Variants in ASB8 observed in about 807,000 individuals in gnomAD.
The protein encoded by ASB8 is ankyrin repeat and SOCS box containing 8.
ASB8 carries 15 observed loss-of-function variants against 22.9 expected under a neutral mutation model. The observed-to-expected ratio is 0.66, with a 90% CI of 0.44 to 1.01. The LOEUF (loss-of-function observed/expected upper bound fraction) is 1.01, where lower values mean the gene tolerates loss of function less well. Among genes scored for constraint, ASB8 ranks in the 50% least tolerant of loss-of-function variants. The pLI, the probability that ASB8 is intolerant of heterozygous loss-of-function variation, is 0.00. For missense variants in ASB8, 294 were observed against 356.9 expected, an observed-to-expected ratio of 0.82 and a Z score of 1.42; for synonymous variants, 124 against 140.8, an observed-to-expected ratio of 0.88 and a Z score of 0.84.
At chr12:48,151,088 A>T in intron 3 of ASB8, 113 bp downstream of exon 3, 1 of 779,782 alleles carries the variant, frequency 1.3e-6, no homozygotes, top group Non-Finnish European at 2.2e-6. Flanking sequence ...ACCTTGAGTT[A>T]GAAGTTCAGA....
At chr12:48,150,357 A>G (rs568054303) in intron 3 of ASB8, among the ~76,000 whole-genome samples, 2 of 152,346 alleles carry the variant, frequency 1.3e-5, no homozygotes, top group East Asian at 3.9e-4. Flanking sequence ...GCTCTGAAAC[A>G]TTACTGGAAA....
Position 48,148,658 on chromosome 12 carries a change from G to GTTTTTTTTTT in ASB8, c.*698_*707dup, listed in dbSNP as rs34031535. ...GTTTTTTCACAGATCAATTAAAATG[G>GTTTTTTTTTT]TTTTTTTTTTTTTTTTTTTTTTTTG... On this transcript the variant is annotated 3_prime_UTR_variant, in exon 4 of 4. Coordinates refer to ENST00000317697, the MANE Select transcript of ASB8 (RefSeq NM_024095.5). The GTTTTTTTTTT allele has an allele frequency of 6.4e-4, 40 of 62,794 alleles. 2 individuals are homozygous for GTTTTTTTTTT. The highest frequency in any genetic ancestry group is 2.1e-3 in the African/African-American group (32 of 15,494). 3.9% of individuals were successfully genotyped at this position (62,794 alleles called of 1,614,324 possible). A position where few individuals can be genotyped will look rare whatever the true frequency, so the allele number is the denominator to read the frequency against.
intron 3 of ASB8, chr12:48,150,914 A>C: frequency 1.8e-6 from 1 of 541,916 alleles, no homozygotes; most frequent in Non-Finnish European, 3.3e-6. Context: ...TCCTGAAGTG[A>C]TGGCCAGTGA....
intron 3 of ASB8, among the ~76,000 whole-genome samples, chr12:48,150,431 C>T (rs1229623236): frequency 6.6e-6 from 1 of 152,236 alleles, no homozygotes; most frequent in Non-Finnish European, 1.5e-5. Flanking sequence ...TACCCTGTGG[C>T]TAATGTAGCA....
At position 48,149,549 on chromosome 12, in the gene ASB8, T is replaced by C; in HGVS notation, c.684A>G (p.Arg228=). The change falls in exon 4 of 4, where the codon CGA becomes CGG. Residue 228 remains arginine (R), a synonymous_variant. Coordinates refer to ENST00000317697, the MANE Select transcript of ASB8 (RefSeq NM_024095.5). ...FELRKNGTMP[R]EVARDPQLCE... ...ATAGCTGCGGGTCTCTGGCCACCTC[T>C]CGTGGCATGGTGCCATTTTTCCTCA... The C allele has an allele frequency of 6.2e-7, 1 of 1,614,164 alleles. No individual in the cohort carries two copies. The highest frequency in any genetic ancestry group is 8.5e-7 in the Non-Finnish European group (1 of 1,180,014).
rs1951136517 is a variant in ASB8, at chr12:48,148,458, CAA to C, written c.*906_*907del. On this transcript the variant is annotated 3_prime_UTR_variant, in exon 4 of 4. Coordinates refer to ENST00000317697, the MANE Select transcript of ASB8 (RefSeq NM_024095.5). ...CTTGGGCACAACCAACAGAAAGAGG[CAA>C]AGACTGCTGTTTCCTTTGATGAGGG... 6.6e-6 allele frequency: 1 copy of C among 152,020 alleles called. No homozygotes were observed. Among genetic ancestry groups the C allele is most frequent in the Non-Finnish European group, 1.5e-5 (1 of 68,048 alleles). 9.4% of individuals were successfully genotyped at this position (152,020 alleles called of 1,614,324 possible). A position where few individuals can be genotyped will look rare whatever the true frequency, so the allele number is the denominator to read the frequency against.
At chr12:48,153,560 T>A in intron 1 of ASB8, 31 bp from the exon 2 acceptor site, 1 of 1,563,142 alleles carries the variant, frequency 6.4e-7, no homozygotes, top group Non-Finnish European at 8.8e-7. Context: ...GCATATACAA[T>A]ATCACTGAGC....
chr12:48,149,117 TC>T lies in ASB8; in HGVS notation c.*248del, dbSNP rs1399385630. On this transcript the variant is annotated 3_prime_UTR_variant, in exon 4 of 4. Transcript: ENST00000317697. Reference sequence around the variant, plus strand: ...AAGGGGAGGATTGAGGGAGACCTCTTCTTTTGCAAAATGCAATATAAAAAGC... The same window carrying T: ...AAGGGGAGGATTGAGGGAGACCTCTTTTTTGCAAAATGCAATATAAAAAGC... 1.9e-6 allele frequency: 1 copy of T among 531,584 alleles called. No individual in the cohort carries two copies. 32.9% of individuals were successfully genotyped at this position (531,584 alleles called of 1,614,324 possible). A position where few individuals can be genotyped will look rare whatever the true frequency, so the allele number is the denominator to read the frequency against.
In ASB8 at chr12:48,149,630, T is replaced by C. The variant is rs1043803208; in HGVS notation, c.603A>G (p.Thr201=). ...GCTCAAAGCAAGAGTCCTCTTTCTC[T>C]GTTCCAAGTCCCCTGACTAGCAGAG... ...LVALLVRGLG[T]EKEDSCFELL... is the part of the protein sequence containing the mutation. Residue 201 remains threonine (T), a synonymous_variant, in exon 4 of 4, where the codon ACA becomes ACG. Transcript: ENST00000317697. 3 of 1,614,086 alleles carry C rather than the reference T, an allele frequency of 1.9e-6. No homozygotes were observed. Among genetic ancestry groups the C allele is most frequent in the African/African-American group, 1.3e-5 (1 of 74,920 alleles).
intron 1 of ASB8, among the ~76,000 whole-genome samples, chr12:48,155,345 T>C (rs1951282662): frequency 6.6e-6 from 1 of 152,256 alleles, no homozygotes; most frequent in Non-Finnish European, 1.5e-5. Context: ...ATGTAAAGTT[T>C]ATTACTTTAG....
chr12:48,154,500 A>AG (rs397829586), intron 1 of ASB8, among the ~76,000 whole-genome samples: 2 of 150,010 alleles, frequency 1.3e-5, no homozygotes, highest in Non-Finnish European at 3.0e-5. Flanking sequence ...AAAAAAAAAA[A>AG]GGAAATATTT....
chr12:48,153,636 T>A, intron 1 of ASB8, 107 bp from the exon 2 acceptor site: 1 of 780,976 alleles, frequency 1.3e-6, no homozygotes, highest in Non-Finnish European at 2.0e-6. Context: ...TTTCAAGGAG[T>A]GATTAATACT....
chr12:48,149,403 G>A lies in ASB8; in HGVS notation c.830C>T (p.Pro277Leu), dbSNP rs1029533274. ...LPDAVKGLPL[P>L]ASLKEYLLLL... ...TAACAGGTATTCCTTCAAAGAAGCTGGCAGTGGAAGGCCCTTCACTGCATC... is the reference window on the plus strand; with the variant it reads ...TAACAGGTATTCCTTCAAAGAAGCTAGCAGTGGAAGGCCCTTCACTGCATC... Residue 277 changes from proline to leucine, a missense_variant, in exon 4 of 4, where the codon CCA becomes CTA. Coordinates refer to ENST00000317697, the MANE Select transcript of ASB8 (RefSeq NM_024095.5). 4 of 1,613,794 alleles carry A rather than the reference G, an allele frequency of 2.5e-6. No individual in the cohort carries two copies. The highest frequency in any genetic ancestry group is 3.4e-6 in the Non-Finnish European group (4 of 1,179,822).
Position 48,151,285 on chromosome 12 carries a change from A to G in ASB8, c.150T>C (p.Thr50=), listed in dbSNP as rs1430564861. The change falls in exon 3 of 4, where the codon ACT becomes ACC. Residue 50 remains threonine, a synonymous_variant. Coordinates refer to ENST00000317697, the MANE Select transcript of ASB8 (RefSeq NM_024095.5). ...LIRGGADVNC[T]HGTLKPLHCA... ...AGTGCAAGGGCTTCAGTGTGCCATG[A>G]GTGCAGTTCACATCTGCTCCCTGTG... The G allele has an allele frequency of 6.2e-7, 1 of 1,613,946 alleles. No homozygotes were observed. The highest frequency in any genetic ancestry group is 1.7e-5 in the Admixed American group (1 of 60,022).
chr12:48,155,906 G>A lies in ASB8; in HGVS notation c.-34+1553C>T, dbSNP rs940370763. 4.6e-5 allele frequency among the ~76,000 whole-genome samples: 7 copies of A among 151,068 alleles called. No homozygotes were observed. The South Asian group carries it at 1.5e-3, about 32-fold the overall frequency. Reference sequence around the variant, plus strand: ...TTCACGTTCCTCAGCCTCCTGAGTAGCTGGGATTTACAGGTGTGCACCATC... The same window carrying A: ...TTCACGTTCCTCAGCCTCCTGAGTAACTGGGATTTACAGGTGTGCACCATC... On this transcript the variant is annotated intron_variant, in intron 1 of 3. Transcript: ENST00000317697.
At chr12:48,156,800 G>C (rs1951312340) in intron 1 of ASB8, among the ~76,000 whole-genome samples, 1 of 151,974 alleles carries the variant, frequency 6.6e-6, no homozygotes, top group Non-Finnish European at 1.5e-5. Flanking sequence ...GAAACTTCAG[G>C]GCAGACAGCA....
Position 48,149,676 on chromosome 12 carries a change from GTCTGGCCT to G in ASB8, c.549_556del (p.Gly184ThrfsTer23), listed in dbSNP as rs1951162588. The G allele has an allele frequency of 6.2e-7, 1 of 1,613,978 alleles. No homozygotes were observed. Among genetic ancestry groups the G allele is most frequent in the African/African-American group, 1.3e-5 (1 of 74,932 alleles). On this transcript the variant is annotated frameshift_variant, in exon 4 of 4. Coordinates refer to ENST00000317697, the MANE Select transcript of ASB8 (RefSeq NM_024095.5). LOFTEE classifies it high-confidence loss of function. Reference sequence around the variant, plus strand: ...CAGAGCCACCAGGCGGGAGATGGGTGTCTGGCCTATTAGGTTGATGACTCTGACCTCTG... The same window carrying G: ...CAGAGCCACCAGGCGGGAGATGGGTGATTAGGTTGATGACTCTGACCTCTG...
At chr12:48,152,839 TA>T (rs36106311) in intron 2 of ASB8, 134 of 144,812 alleles carry the variant, frequency 9.3e-4, no homozygotes, top group South Asian at 1.3e-3. Context: ...TACAAAAAAT[TA>T]AAAAAAAAAA....
chr12:48,152,885 C>T (rs1279164714), intron 2 of ASB8: 1 of 152,448 alleles, frequency 6.6e-6, no homozygotes, highest in African/African-American at 2.4e-5. Context: ...TGCCTGTAGT[C>T]CCAGCTACTT....
Sources: gnomAD v4.1 joint callset for allele counts (sites outside exome capture counted in the v4.1 genomes callset) on GRCh38, gnomAD v4.1.1 for gene constraint, MANE v1.5 for transcripts, NCBI Gene and HGNC (gene_info 2026-07-23, HGNC 2026-07-21) for gene names.